ZNF566: variants seen among roughly 807,000 people sequenced by gnomAD.
ZNF566 encodes zinc finger protein 566.
A neutral mutation model predicts 32.8 loss-of-function variants in ZNF566; 27 were observed. That is an observed-to-expected ratio of 0.82 (90% CI 0.61 to 1.14). The LOEUF is 1.14. Among genes scored for constraint, ZNF566 ranks in the 50% most tolerant of loss-of-function variants. The pLI is 0.00. For missense variants in ZNF566, 402 were observed against 490.4 expected (o/e 0.82, Z 1.70); for synonymous variants, 154 against 159.5 (o/e 0.97, Z 0.26).
intron 4 of ZNF566, among the ~76,000 whole-genome samples, chr19:36,453,507 ATTAAT>A (rs1435000167): frequency 7.2e-5 from 4 of 55,744 alleles, no homozygotes; most frequent in African/African-American, 1.9e-4. Flanking sequence ...AAATAAATAA[ATTAAT>A]TAATTAAAAT....
At chr19:36,478,958 G>C (rs2033961600) in intron 1 of ZNF566, among the ~76,000 whole-genome samples, 1 of 152,182 alleles carries the variant, frequency 6.6e-6, no homozygotes, top group East Asian at 1.9e-4. Context: ...TGTCCCCATG[G>C]GAGCTGAGAG....
chr19:36,465,409 C>T (rs2033586463), intron 4 of ZNF566, among the ~76,000 whole-genome samples: 1 of 152,086 alleles, frequency 6.6e-6, no homozygotes, highest in African/African-American at 2.4e-5. Context: ...TCTAAGTCTG[C>T]AGATGTAAAT....
At chr19:36,472,861 G>T (rs2033799398) in intron 4 of ZNF566, 50 bp downstream of exon 4, 2 of 1,446,452 alleles carry the variant, frequency 1.4e-6, no homozygotes, top group Admixed American at 1.9e-5. Context: ...TCTAAAAGAT[G>T]CAGTCTCTCT....
At position 36,476,568 on chromosome 19, in the gene ZNF566, T is replaced by C. The variant is rs1467261829; in HGVS notation, c.-11A>G. 6 of 1,613,556 alleles carry C rather than the reference T, an allele frequency of 3.7e-6. No individual in the cohort carries two copies. Among genetic ancestry groups the C allele is most frequent in the Non-Finnish European group, 5.1e-6 (6 of 1,179,758 alleles). On this transcript the variant is annotated 5_prime_UTR_variant, in exon 2 of 5. Coordinates refer to ENST00000452939, the MANE Select transcript of ZNF566 (RefSeq NM_001145344.1). ...TCTCACCTGAGCCATGGCTCTGATATTTGTAGAAAAGGACCTTCTCTTGGC... is the reference window on the plus strand; with the variant it reads ...TCTCACCTGAGCCATGGCTCTGATACTTGTAGAAAAGGACCTTCTCTTGGC...
chr19:36,473,103 GA>G, intron 3 of ZNF566, 97 bp from the exon 4 acceptor site: 1 of 1,236,104 alleles, frequency 8.1e-7, no homozygotes, highest in East Asian at 2.3e-5. Context: ...GGCATTATGA[GA>G]AGAGTCAAAG....
chr19:36,454,157 C>G (rs1486739612), intron 4 of ZNF566, among the ~76,000 whole-genome samples: 1 of 152,104 alleles, frequency 6.6e-6, no homozygotes, highest in Non-Finnish European at 1.5e-5. Context: ...CCTCAGCCTC[C>G]CAAAGTGCTG....
intron 4 of ZNF566, among the ~76,000 whole-genome samples, chr19:36,451,385 TA>T (rs2033153413): frequency 6.6e-6 from 1 of 152,206 alleles, no homozygotes; most frequent in Admixed American, 6.5e-5. Flanking sequence ...GTTTGTCGTG[TA>T]ATTCTGAGAT....
At chr19:36,473,241 C>A in intron 3 of ZNF566, 91 bp downstream of exon 3, 1 of 1,482,382 alleles carries the variant, frequency 6.7e-7, no homozygotes, top group Non-Finnish European at 9.3e-7. Flanking sequence ...CAAAATTCGA[C>A]TGGTTTTTGA....
intron 1 of ZNF566, among the ~76,000 whole-genome samples, chr19:36,483,034 G>A (rs1046973919): frequency 6.6e-6 from 1 of 152,186 alleles, no homozygotes; most frequent in Admixed American, 6.6e-5. Context: ...TCAGTACCAT[G>A]AGAATGTAGA....
intron 4 of ZNF566, among the ~76,000 whole-genome samples, chr19:36,456,045 G>C (rs1471744012): frequency 7.2e-6 from 1 of 138,152 alleles, no homozygotes; most frequent in African/African-American, 2.7e-5. Flanking sequence ...TCTCAAAAAA[G>C]AAAAAAAAAA....
chr19:36,463,096 G>A (rs2145663673), intron 4 of ZNF566, among the ~76,000 whole-genome samples: 1 of 151,826 alleles, frequency 6.6e-6, no homozygotes, highest in Non-Finnish European at 1.5e-5. Flanking sequence ...TTGAGCCCAG[G>A]AGTTCAAAAT....
chr19:36,471,305 C>T (rs1183183624), intron 4 of ZNF566, among the ~76,000 whole-genome samples: 1 of 151,922 alleles, frequency 6.6e-6, no homozygotes, highest in Non-Finnish European at 1.5e-5. Flanking sequence ...GAAAAGATTT[C>T]CCATGGCCTG....
chr19:36,488,083 A>G (rs2034215975), intron 1 of ZNF566, among the ~76,000 whole-genome samples: 1 of 151,958 alleles, frequency 6.6e-6, no homozygotes, highest in Non-Finnish European at 1.5e-5. Context: ...CACACTTTAT[A>G]TAGGCTCTAT....
At chr19:36,477,434 T>C (rs1024208438) in intron 1 of ZNF566, among the ~76,000 whole-genome samples, 1 of 152,172 alleles carries the variant, frequency 6.6e-6, no homozygotes, top group African/African-American at 2.4e-5. Flanking sequence ...GTATATGAGT[T>C]CTTCACAATT....
In ZNF566 at chr19:36,475,361, T is replaced by C. The variant is rs2033858942; in HGVS notation, c.9+1188A>G. ...GCCACTGACATCAATTTTTCATGGATGCTTAGTGAGGTGTGAGAGCTTTGT... is the reference window on the plus strand; with the variant it reads ...GCCACTGACATCAATTTTTCATGGACGCTTAGTGAGGTGTGAGAGCTTTGT... On this transcript the variant is annotated intron_variant, in intron 2 of 4. Coordinates refer to ENST00000452939, the MANE Select transcript of ZNF566 (RefSeq NM_001145344.1). Among the ~76,000 whole-genome samples the C allele has an allele frequency of 2.6e-5, 4 of 152,272 alleles. No individual in the cohort carries two copies. In the South Asian group the frequency reaches 6.2e-4, roughly 24 times the overall value.
intron 1 of ZNF566, among the ~76,000 whole-genome samples, chr19:36,483,115 G>GT (rs1446144180): frequency 2.0e-5 from 3 of 152,184 alleles, no homozygotes; most frequent in Non-Finnish European, 4.4e-5. Flanking sequence ...TTTTCTGAAC[G>GT]TATCTGTGAA....
intron 4 of ZNF566, among the ~76,000 whole-genome samples, chr19:36,450,910 C>T (rs544315416): frequency 6.6e-6 from 1 of 152,292 alleles, no homozygotes; most frequent in African/African-American, 2.4e-5. Context: ...TACTATTTGC[C>T]TTTCAAGAAA....
Position 36,450,042 on chromosome 19 carries a change from T to C in ZNF566, c.233-41A>G, listed in dbSNP as rs748106638. ...AAAGTAATCACTCACATTTTTCTTG[T>C]TTGGGAGAAACAAAACTTCAATCAA... On this transcript the variant is annotated intron_variant, in intron 4 of 4. Transcript: ENST00000452939. 3.4e-5 allele frequency: 52 copies of C among 1,521,804 alleles called. 4 individuals are homozygous for C. The South Asian group carries it at 6.6e-4, about 19-fold the overall frequency. 94.3% of individuals were successfully genotyped at this position (1,521,804 alleles called of 1,614,324 possible).
chr19:36,481,122 A>T lies in ZNF566; in HGVS notation c.-59-4506T>A, dbSNP rs149032163. Among the ~76,000 whole-genome samples the T allele has an allele frequency of 1.7e-4, 26 of 152,262 alleles. No individual in the cohort carries two copies. The East Asian group carries it at 4.8e-3, about 28-fold the overall frequency. ...AAATGGGGAAAGACATAAACAGGCA[A>T]TCTTTTAAAAGACTCTGAAATGTTC... On this transcript the variant is annotated intron_variant, in intron 1 of 4. Transcript: ENST00000452939.
Sources: allele counts gnomAD v4.1 joint callset (sites outside exome capture counted in the v4.1 genomes callset), GRCh38; gene constraint gnomAD v4.1.1; transcripts MANE v1.5; gene names NCBI Gene and HGNC (gene_info 2026-07-23, HGNC 2026-07-21).